The following SYT16 variants were observed in gnomAD, a reference collection of about 807,000 sequenced individuals.
The protein encoded by SYT16 is synaptotagmin 16.
In SYT16, 42 loss-of-function variants were observed where a neutral mutation model predicts 61.4. The observed-to-expected ratio is 0.68, with a 90% CI of 0.53 to 0.89. The LOEUF is 0.89. Ranked by LOEUF, SYT16 falls within the 40% of genes least tolerant of loss-of-function variation. The pLI is 0.00. For synonymous variants in SYT16, 314 were observed against 302.3 expected (o/e 1.04, Z -0.40); for missense variants, 804 against 807.3 (o/e 1.00, Z 0.05).
At chr14:62,039,629 G>A (rs2140841552) in intron 3 of SYT16, among the ~76,000 whole-genome samples, 1 of 152,184 alleles carries the variant, frequency 6.6e-6, no homozygotes, top group Middle Eastern at 3.4e-3. Context: ...AATGCATTAA[G>A]AATAGAGACA....
chr14:61,908,253 A>G (rs2048800249), intron 1 of SYT16, among the ~76,000 whole-genome samples: 1 of 152,226 alleles, frequency 6.6e-6, no homozygotes, highest in South Asian at 2.1e-4. Context: ...AAATACAATA[A>G]GCCAGATTGA....
At chr14:61,964,098 T>A (rs1420680435) in intron 1 of SYT16, among the ~76,000 whole-genome samples, 1 of 152,180 alleles carries the variant, frequency 6.6e-6, no homozygotes, top group Non-Finnish European at 1.5e-5. Flanking sequence ...AGAAAAATGT[T>A]GTTTACATTC....
At chr14:62,026,074 A>G (rs779747475) in intron 3 of SYT16, among the ~76,000 whole-genome samples, 1 of 152,158 alleles carries the variant, frequency 6.6e-6, no homozygotes. Flanking sequence ...TATATGCCTT[A>G]TAGTAAATTA....
chr14:61,956,622 G>A (rs1247773553), intron 1 of SYT16, among the ~76,000 whole-genome samples: 1 of 151,906 alleles, frequency 6.6e-6, no homozygotes, highest in Non-Finnish European at 1.5e-5. Flanking sequence ...ATTCATGTCT[G>A]TTTATCACTG....
rs35131511 is a variant in SYT16, at chr14:61,845,039, C to CTTTTTTT, written c.-325+32249_-325+32255dup. 7.2e-5 allele frequency among the ~76,000 whole-genome samples: 7 copies of CTTTTTTT among 97,612 alleles called. 1 individual carries two copies. The highest frequency in any genetic ancestry group is 3.3e-4 in the African/African-American group (7 of 20,954). 64.0% of individuals were successfully genotyped at this position (97,612 alleles called of 152,430 possible). On this transcript the variant is annotated intron_variant, in intron 1 of 7. Coordinates refer to ENST00000683842, the MANE Select transcript of SYT16 (RefSeq NM_001367656.1). ...TTGCAAGCTTTTCTTTACTAGAAGA[C>CTTTTTTT]TTTTTTTTTTTTTTTTTTTTTTTTT... is the stretch of plus-strand genomic sequence containing the variant.
chr14:62,094,138 G>A (rs1243001718), intron 7 of SYT16, among the ~76,000 whole-genome samples: 1 of 152,026 alleles, frequency 6.6e-6, no homozygotes, highest in Admixed American at 6.6e-5. Context: ...TCAGTCACAT[G>A]GCTCAGATAA....
intron 1 of SYT16, among the ~76,000 whole-genome samples, chr14:61,830,615 T>C (rs1009338819): frequency 1.3e-5 from 2 of 152,206 alleles, no homozygotes; most frequent in Non-Finnish European, 2.9e-5. Context: ...AAGATTTCTT[T>C]ATCCAGTCCT....
chr14:61,999,426 ATGT>A (rs2052903359), intron 3 of SYT16, among the ~76,000 whole-genome samples: 1 of 151,600 alleles, frequency 6.6e-6, no homozygotes, highest in Non-Finnish European at 1.5e-5. Context: ...TACTTTTTAA[ATGT>A]TGTTAGGATT....
chr14:61,977,134 G>A (rs939236282), intron 2 of SYT16, among the ~76,000 whole-genome samples: 5 of 152,048 alleles, frequency 3.3e-5, no homozygotes, highest in Non-Finnish European at 5.9e-5. Context: ...ATCATTATTA[G>A]CATTTTGGTC....
chr14:61,954,729 A>T (rs933832239), intron 1 of SYT16, among the ~76,000 whole-genome samples: 4 of 152,058 alleles, frequency 2.6e-5, no homozygotes, highest in Non-Finnish European at 5.9e-5. Flanking sequence ...AATTTTGTTT[A>T]GACTCAGATG....
chr14:62,011,675 A>G (rs2053455009), intron 3 of SYT16, among the ~76,000 whole-genome samples: 1 of 152,068 alleles, frequency 6.6e-6, no homozygotes, highest in Non-Finnish European at 1.5e-5. Flanking sequence ...AAAAAACCCC[A>G]CAGCTCTATT....
intron 3 of SYT16, among the ~76,000 whole-genome samples, chr14:62,050,407 A>G (rs1042900477): frequency 2.0e-5 from 3 of 151,934 alleles, no homozygotes; most frequent in South Asian, 2.1e-4. Flanking sequence ...CTTCTTTGCC[A>G]TTGGTTCGAA....
At chr14:61,938,015 T>A (rs908868786) in intron 1 of SYT16, among the ~76,000 whole-genome samples, 1 of 19,264 alleles carries the variant, frequency 5.2e-5, no homozygotes, top group Non-Finnish European at 1.1e-4. Context: ...TGCCCCAACC[T>A]CCTACCCCGC....
intron 1 of SYT16, among the ~76,000 whole-genome samples, chr14:61,953,558 G>T (rs2050754474): frequency 6.6e-6 from 1 of 152,204 alleles, no homozygotes; most frequent in Non-Finnish European, 1.5e-5. Flanking sequence ...GACACTGAAA[G>T]TGACCAGCAC....
intron 3 of SYT16, among the ~76,000 whole-genome samples, chr14:62,036,656 G>T (rs961338277): frequency 1.3e-5 from 2 of 152,148 alleles, no homozygotes; most frequent in African/African-American, 4.8e-5. Context: ...CACATCTTAC[G>T]TGGTGGCAGG....
At chr14:61,910,145 A>G (rs899052371) in intron 1 of SYT16, among the ~76,000 whole-genome samples, 3 of 152,194 alleles carry the variant, frequency 2.0e-5, no homozygotes, top group African/African-American at 2.4e-5. Flanking sequence ...TCATATCCAT[A>G]TAAATATATG....
intron 1 of SYT16, among the ~76,000 whole-genome samples, chr14:61,837,583 G>T (rs547556479): frequency 6.6e-6 from 1 of 152,256 alleles, no homozygotes; most frequent in East Asian, 1.9e-4. Context: ...AGCTGCTAAG[G>T]CCTCACAAAG....
At chr14:61,949,098 A>G (rs955298806) in intron 1 of SYT16, among the ~76,000 whole-genome samples, 2 of 152,150 alleles carry the variant, frequency 1.3e-5, no homozygotes, top group Non-Finnish European at 2.9e-5. Flanking sequence ...TTTGATCTGT[A>G]ATTTCATCTT....
At chr14:62,053,026 G>C (rs75832307) in intron 3 of SYT16, among the ~76,000 whole-genome samples, 10,440 of 152,284 alleles carry the variant, frequency 0.069, 466 homozygotes, top group East Asian at 0.12. Context: ...ACCGGGTAAT[G>C]GGTAGAGGCT....
Sources: gnomAD v4.1 joint callset for allele counts (sites outside exome capture counted in the v4.1 genomes callset) on GRCh38, gnomAD v4.1.1 for gene constraint, MANE v1.5 for transcripts, NCBI Gene and HGNC (gene_info 2026-07-23, HGNC 2026-07-21) for gene names.